The following STIM1 variants were observed in gnomAD, a reference collection of about 807,000 sequenced individuals.
STIM1 encodes the protein stromal interaction molecule 1.
A neutral mutation model predicts 74.7 loss-of-function variants in STIM1; 25 were observed. That is an observed-to-expected ratio of 0.33 (90% CI 0.24 to 0.47). The LOEUF (loss-of-function observed/expected upper bound fraction) is 0.47. Ranked by LOEUF, STIM1 falls within the 20% of genes least tolerant of loss-of-function variation. The pLI, the probability that STIM1 is intolerant of heterozygous loss-of-function variation, is 1.00. For missense variants in STIM1, 728 were observed against 920.8 expected (o/e 0.79, Z 2.71); for synonymous variants, 328 against 348.8 (o/e 0.94, Z 0.66).
intron 3 of STIM1, among the ~76,000 whole-genome samples, chr11:4,040,225 C>T (rs992593989): frequency 1.3e-5 from 2 of 152,150 alleles, no homozygotes; most frequent in Non-Finnish European, 2.9e-5. Flanking sequence ...TGAGTACCTT[C>T]TATATACTAG....
At position 3,924,415 on chromosome 11, in the gene STIM1, G is replaced by A. The variant is rs547003175; in HGVS notation, c.140-43137G>A. The stretch of plus-strand genomic sequence containing the variant: ...GGGTTTCACCATGTTAGCTAGGATG[G>A]TCTCGATCTCCTGACCTCGTGATCC... On this transcript the variant is annotated intron_variant, in intron 1 of 12. Coordinates refer to ENST00000526596, the MANE Select transcript of STIM1 (RefSeq NM_001382567.1). 2.4e-4 allele frequency among the ~76,000 whole-genome samples: 36 copies of A among 152,030 alleles called. 1 individual carries two copies. The highest frequency in any genetic ancestry group is 8.4e-4 in the African/African-American group (35 of 41,480).
chr11:4,029,562 C>T (rs1399195162), intron 3 of STIM1, among the ~76,000 whole-genome samples: 2 of 42,862 alleles, frequency 4.7e-5, no homozygotes, highest in African/African-American at 9.2e-5. Context: ...AGAGGAGGGA[C>T]GGAAGGAGGG....
rs193035976 is a variant in STIM1 at position 4,020,411 on chromosome 11, C to T, written c.271-3462C>T. On this transcript the variant is annotated intron_variant, in intron 2 of 12. Transcript: ENST00000526596. ...TGGTGACTGTACTAATTTACACTGC[C>T]ACCAACAGTGTGTAAGGGTTTCCCT... is the stretch of plus-strand genomic sequence containing the variant. Among the ~76,000 whole-genome samples the T allele has an allele frequency of 3.9e-5, 6 of 152,264 alleles. No homozygotes were observed. The East Asian group carries it at 1.2e-3, about 29-fold the overall frequency.
rs181380488 is a variant in STIM1, at chr11:3,889,135, C to T, written c.139+32726C>T. Reference sequence around the variant, plus strand: ...CTTACTATGTGCCAGGCAGCTGTGGCAACAGCAGTCATCATACTAGATGCT... The same window carrying T: ...CTTACTATGTGCCAGGCAGCTGTGGTAACAGCAGTCATCATACTAGATGCT... On this transcript the variant is annotated intron_variant, in intron 1 of 12. Transcript: ENST00000526596. Among the ~76,000 whole-genome samples the T allele has an allele frequency of 2.7e-5, 4 of 147,974 alleles. No individual in the cohort carries two copies. The East Asian group carries it at 7.9e-4, about 29-fold the overall frequency.
At chr11:3,854,632 C>T (rs530177895), upstream of STIM1, 1 of 152,374 alleles carries the variant, frequency 6.6e-6, no homozygotes, top group Non-Finnish European at 1.5e-5. Flanking sequence ...TCTCAAGTCG[C>T]TGACACCTCC....
intron 2 of STIM1, among the ~76,000 whole-genome samples, chr11:3,987,894 C>G (rs1215803507): frequency 6.6e-6 from 1 of 151,924 alleles, no homozygotes; most frequent in Non-Finnish European, 1.5e-5. Context: ...CTAAATCCCC[C>G]CTCTTAGAGT....
intron 2 of STIM1, among the ~76,000 whole-genome samples, chr11:4,001,616 C>A (rs1006715132): frequency 6.6e-6 from 1 of 152,168 alleles, no homozygotes; most frequent in African/African-American, 2.4e-5. Context: ...CAACCGGTAC[C>A]AGCCACTGCA....
rs201952182 is a variant in STIM1 at position 3,953,780 on chromosome 11, C to CTTTTTTTTT, written c.140-13769_140-13768insTTTTTTTTT. On this transcript the variant is annotated intron_variant, in intron 1 of 12. Transcript: ENST00000526596. ...TCGGTATTGACTTCTTGATCTTCTT[C>CTTTTTTTTT]TTTCTTTTTTTTTTTTTTTTGAGAC... 6.1e-5 allele frequency among the ~76,000 whole-genome samples: 8 copies of CTTTTTTTTT among 131,090 alleles called. 1 individual carries two copies. The highest frequency in any genetic ancestry group is 9.7e-5 in the Non-Finnish European group (6 of 61,882). The allele number at this position is 131,090 out of a possible 152,430, so 86.0% of individuals were successfully genotyped here.
chr11:3,915,920 T>G (rs2092636367), intron 1 of STIM1, among the ~76,000 whole-genome samples: 1 of 151,950 alleles, frequency 6.6e-6, no homozygotes, highest in African/African-American at 2.4e-5. Context: ...TTAGCCAGGT[T>G]TCGTGCTGCA....
At chr11:3,911,961 G>A (rs183485700) in intron 1 of STIM1, among the ~76,000 whole-genome samples, 1 of 152,254 alleles carries the variant, frequency 6.6e-6, no homozygotes, top group African/African-American at 2.4e-5. Flanking sequence ...CACAGAGATA[G>A]CACTTACTGA....
chr11:3,979,170 G>T (rs11820055), intron 2 of STIM1, among the ~76,000 whole-genome samples: 2,522 of 152,278 alleles, frequency 0.017, 71 homozygotes, highest in African/African-American at 0.057. Flanking sequence ...TGGGTTATTT[G>T]CAGATGTTAT....
intron 3 of STIM1, among the ~76,000 whole-genome samples, chr11:4,027,887 A>G (rs1192726737): frequency 6.6e-6 from 1 of 152,142 alleles, no homozygotes; most frequent in Non-Finnish European, 1.5e-5. Flanking sequence ...TCCTTGAGAA[A>G]TAGAATTACT....
At chr11:4,048,043 T>A (rs1204445129) in intron 3 of STIM1, among the ~76,000 whole-genome samples, 1 of 152,060 alleles carries the variant, frequency 6.6e-6, no homozygotes, top group African/African-American at 2.4e-5. Flanking sequence ...ATGATCTCGA[T>A]CCCCTGACCT....
chr11:4,008,421 A>T (rs560550417), intron 2 of STIM1, among the ~76,000 whole-genome samples: 1 of 152,350 alleles, frequency 6.6e-6, no homozygotes, highest in East Asian at 1.9e-4. Context: ...AACAAGGGTT[A>T]AGTTCCTATG....
At chr11:4,069,843 A>G (rs2094392606) in intron 5 of STIM1, among the ~76,000 whole-genome samples, 183 bp from the exon 6 acceptor site, 1 of 152,206 alleles carries the variant, frequency 6.6e-6, no homozygotes, top group African/African-American at 2.4e-5. Flanking sequence ...TAGCAGAGAG[A>G]TAGACATAGA....
intron 2 of STIM1, among the ~76,000 whole-genome samples, chr11:4,014,649 G>A (rs1000467218): frequency 2.0e-5 from 3 of 152,150 alleles, no homozygotes; most frequent in Admixed American, 6.5e-5. Flanking sequence ...TGACAGTGGG[G>A]TGTTAAAGTC....
intron 2 of STIM1, among the ~76,000 whole-genome samples, chr11:4,016,624 C>A (rs560874829): frequency 3.3e-5 from 5 of 152,278 alleles, no homozygotes; most frequent in Middle Eastern, 3.2e-3. Context: ...AAGCTGTCTG[C>A]TGCCTTTTGT....
chr11:4,021,685 GA>G (rs1445705724), intron 2 of STIM1, among the ~76,000 whole-genome samples: 2 of 152,088 alleles, frequency 1.3e-5, no homozygotes, highest in African/African-American at 4.8e-5. Context: ...GGTTCCATAT[GA>G]ATTTTAGGAT....
intron 3 of STIM1, among the ~76,000 whole-genome samples, chr11:4,037,737 A>T (rs2094115512): frequency 6.6e-6 from 1 of 152,078 alleles, no homozygotes. Flanking sequence ...ATGTGACAAT[A>T]TCTGTTAATT....
Sources: allele counts gnomAD v4.1 joint callset (sites outside exome capture counted in the v4.1 genomes callset), GRCh38; gene constraint gnomAD v4.1.1; transcripts MANE v1.5; gene names NCBI Gene and HGNC (gene_info 2026-07-23, HGNC 2026-07-21).